The following TMEM156 variants were observed in gnomAD, a reference collection of about 807,000 sequenced individuals.
TMEM156 encodes the protein transmembrane protein 156.
In TMEM156, 28 loss-of-function variants were observed where a neutral mutation model predicts 30.5. The observed-to-expected ratio is 0.92, with a 90% CI of 0.68 to 1.26. The LOEUF is 1.26. Ranked by LOEUF, TMEM156 falls within the 50% of genes most tolerant of loss-of-function variation. The pLI, the probability that TMEM156 is intolerant of heterozygous loss-of-function variation, is 0.00. For missense variants in TMEM156, 351 were observed against 340.6 expected (o/e 1.03, Z -0.24); for synonymous variants, 137 against 119.9 (o/e 1.14, Z -0.93).
intron 1 of TMEM156, among the ~76,000 whole-genome samples, chr4:39,009,223 A>C (rs1713942548): frequency 6.6e-6 from 1 of 152,094 alleles, no homozygotes; most frequent in South Asian, 2.1e-4. Context: ...CAAACAGACC[A>C]ATAATGAATA....
chr4:39,031,441 T>C (rs1418917958), intron 1 of TMEM156, among the ~76,000 whole-genome samples: 1 of 152,250 alleles, frequency 6.6e-6, no homozygotes, highest in Non-Finnish European at 1.5e-5. Context: ...ATTTTGATTG[T>C]ATTTTCAAAA....
At chr4:38,994,210 A>T (rs576494732) in intron 2 of TMEM156, among the ~76,000 whole-genome samples, 2 of 152,030 alleles carry the variant, frequency 1.3e-5, no homozygotes, top group South Asian at 4.2e-4. Flanking sequence ...CTGCAGCCTC[A>T]CCCTCCCGGG....
At position 38,967,311 on chromosome 4, in the gene TMEM156, TC is replaced by T. The variant is rs930725091; in HGVS notation, c.*368del. 4 of 152,194 alleles carry T rather than the reference TC, an allele frequency of 2.6e-5. No homozygotes were observed. Among genetic ancestry groups the T allele is most frequent in the Admixed American group, 2.0e-4 (3 of 15,284 alleles). 9.4% of individuals were successfully genotyped at this position (152,194 alleles called of 1,614,324 possible). A position where few individuals can be genotyped will look rare whatever the true frequency, so the allele number is the denominator to read the frequency against. ...TTTCATATTTGATCCTGTTTTTGGT[TC>T]CTCAAAATTAAAAACTTGGCTCCAC... On this transcript the variant is annotated 3_prime_UTR_variant, in exon 7 of 7. Coordinates refer to ENST00000381938, the MANE Select transcript of TMEM156 (RefSeq NM_024943.3).
chr4:38,977,125 A>G (rs186366228), intron 5 of TMEM156, among the ~76,000 whole-genome samples: 9,590 of 152,148 alleles, frequency 0.063, 553 homozygotes, highest in African/African-American at 0.15. Flanking sequence ...GGCTGGTCTC[A>G]AACTCCTGGC....
intron 1 of TMEM156, among the ~76,000 whole-genome samples, chr4:39,012,806 G>T (rs1714209325): frequency 6.6e-6 from 1 of 152,200 alleles, no homozygotes; most frequent in Non-Finnish European, 1.5e-5. Context: ...CTGCCGTGGG[G>T]CAGGTGCCTG....
At chr4:39,005,977 C>T (rs1713704127) in intron 1 of TMEM156, among the ~76,000 whole-genome samples, 1 of 152,102 alleles carries the variant, frequency 6.6e-6, no homozygotes, top group African/African-American at 2.4e-5. Flanking sequence ...CTCACTGCAA[C>T]CTCTGCCTCC....
Position 38,976,592 on chromosome 4 carries a change from A to G in TMEM156, c.824-5455T>C, listed in dbSNP as rs368042166. Among the ~76,000 whole-genome samples the G allele has an allele frequency of 2.6e-4, 39 of 152,336 alleles. No homozygotes were observed. The East Asian group carries it at 5.8e-3, about 23-fold the overall frequency. On this transcript the variant is annotated intron_variant, in intron 5 of 6. Transcript: ENST00000381938. ...AGATATCTGACCAACAGAAACTGTG[A>G]GATAATAAGTGTGTGCTGTTTTAAG...
At chr4:38,986,824 A>G (rs1156330691) in intron 4 of TMEM156, among the ~76,000 whole-genome samples, 1 of 129,694 alleles carries the variant, frequency 7.7e-6, no homozygotes, top group African/African-American at 3.1e-5. Flanking sequence ...AAAAAAAAAA[A>G]AAAAAAAAAA....
chr4:38,994,098 G>T, intron 2 of TMEM156, 100 bp from the exon 3 acceptor site: 2 of 1,094,198 alleles, frequency 1.8e-6, no homozygotes, highest in Non-Finnish European at 2.6e-6. Context: ...ATACAAGAAA[G>T]TAGAAACAAG....
At chr4:38,988,797 T>C (rs1232141072) in intron 4 of TMEM156, 54 bp downstream of exon 4, 2 of 1,603,784 alleles carry the variant, frequency 1.2e-6, no homozygotes, top group African/African-American at 1.3e-5. Flanking sequence ...AAAAAGGAAA[T>C]GAAATCCATA....
chr4:38,970,703 C>T (rs534857920), intron 6 of TMEM156, among the ~76,000 whole-genome samples: 12 of 152,056 alleles, frequency 7.9e-5, no homozygotes, highest in South Asian at 2.1e-4. Flanking sequence ...GTTTGCTTTA[C>T]ACATCTCATT....
intron 6 of TMEM156, among the ~76,000 whole-genome samples, chr4:38,969,132 T>C (rs983891765): frequency 6.6e-6 from 1 of 152,256 alleles, no homozygotes; most frequent in African/African-American, 2.4e-5. Flanking sequence ...ATAGTCACGC[T>C]ACTGTGCTTT....
chr4:39,003,314 A>G (rs1421282998), intron 1 of TMEM156, among the ~76,000 whole-genome samples: 2 of 152,040 alleles, frequency 1.3e-5, no homozygotes, highest in Non-Finnish European at 2.9e-5. Flanking sequence ...ACACAATTTC[A>G]TTATGTCTTA....
intron 5 of TMEM156, among the ~76,000 whole-genome samples, chr4:38,982,286 T>C (rs1384408590): frequency 6.6e-6 from 1 of 152,178 alleles, no homozygotes; most frequent in Admixed American, 6.6e-5. Flanking sequence ...TGGCCTATTG[T>C]AGGACCCCAC....
Position 39,004,282 on chromosome 4 carries a change from C to G in TMEM156, c.89-5373G>C, listed in dbSNP as rs575077410. On this transcript the variant is annotated intron_variant, in intron 1 of 6. Transcript: ENST00000381938. ...AATACTGAACAGAATTGGGAAAATA[C>G]ATGGCACTATAGGACAAATGCTCAA... Among the ~76,000 whole-genome samples the G allele has an allele frequency of 2.6e-5, 4 of 152,226 alleles. No individual in the cohort carries two copies. In the East Asian group the frequency reaches 7.7e-4, roughly 29 times the overall value.
Position 39,016,334 on chromosome 4 carries a change from C to A in TMEM156, c.88+15892G>T, listed in dbSNP as rs529361632. Among the ~76,000 whole-genome samples the A allele has an allele frequency of 2.7e-5, 4 of 150,202 alleles. No individual in the cohort carries two copies. In the South Asian group the frequency reaches 8.4e-4, roughly 31 times the overall value. ...GTTGCAGTGAGCTGAGATCACATCACTGTACTCCAGGCTGGGCAACACAGC... is the reference window on the plus strand; with the variant it reads ...GTTGCAGTGAGCTGAGATCACATCAATGTACTCCAGGCTGGGCAACACAGC... On this transcript the variant is annotated intron_variant, in intron 1 of 6. Coordinates refer to ENST00000381938, the MANE Select transcript of TMEM156 (RefSeq NM_024943.3).
intron 1 of TMEM156, among the ~76,000 whole-genome samples, chr4:39,025,871 T>G (rs1206986250): frequency 6.6e-6 from 1 of 152,234 alleles, no homozygotes; most frequent in African/African-American, 2.4e-5. Flanking sequence ...TTCAAAAATA[T>G]GAGGATAACA....
In TMEM156 at chr4:38,979,952, C is replaced by T. The variant is rs181162452; in HGVS notation, c.823+6384G>A. On this transcript the variant is annotated intron_variant, in intron 5 of 6. Coordinates refer to ENST00000381938, the MANE Select transcript of TMEM156 (RefSeq NM_024943.3). ...TTCTGACCTTTTCATCACATAAAAA[C>T]GTTGGCAGTTTTCTGTAAGCCCAAG... Among the ~76,000 whole-genome samples, 9 of 152,240 alleles carry T rather than the reference C, an allele frequency of 5.9e-5. No homozygotes were observed. In the East Asian group the frequency reaches 9.6e-4, roughly 16 times the overall value.
intron 5 of TMEM156, among the ~76,000 whole-genome samples, chr4:38,977,162 T>C (rs1466242230): frequency 1.3e-5 from 2 of 152,100 alleles, no homozygotes; most frequent in East Asian, 1.9e-4. Context: ...ACCTCGGCCT[T>C]CCAAAATGCT....
Sources: gnomAD v4.1 joint callset for allele counts (sites outside exome capture counted in the v4.1 genomes callset) on GRCh38, gnomAD v4.1.1 for gene constraint, MANE v1.5 for transcripts, NCBI Gene and HGNC (gene_info 2026-07-23, HGNC 2026-07-21) for gene names.